The following PCDHGA4 variants were observed in gnomAD, a reference collection of about 807,000 sequenced individuals.
PCDHGA4 encodes the protein protocadherin gamma subfamily A, 4.
A neutral mutation model predicts 54.6 loss-of-function variants in PCDHGA4; 38 were observed. That is an observed-to-expected ratio of 0.70 (90% CI 0.54 to 0.91). The LOEUF (loss-of-function observed/expected upper bound fraction) is 0.91, where lower values mean the gene tolerates loss of function less well. Ranked by LOEUF, PCDHGA4 falls within the 40% of genes least tolerant of loss-of-function variation. The probability of loss-of-function intolerance (pLI) is 0.00; values close to 1 mark genes in which losing one functional copy is unlikely to be tolerated. For synonymous variants in PCDHGA4, 511 were observed against 512.9 expected (o/e 1.00, Z 0.05); for missense variants, 1,298 against 1,220.9 (o/e 1.06, Z -0.94).
rs757822946 is a variant in PCDHGA4 at position 141,355,819 on chromosome 5, G to T, written c.712G>T (p.Val238Phe). 1.9e-6 allele frequency: 3 copies of T among 1,613,058 alleles called. No individual in the cohort carries two copies. The highest frequency in any genetic ancestry group is 2.5e-6 in the Non-Finnish European group (3 of 1,179,420). ...ERALDREEEA[V>F]HHLVLTAFDG... ...CGCTCTAGATCGCGAGGAAGAGGCG[G>T]TTCACCACCTCGTTCTCACGGCCTT... Residue 238 changes from valine (V) to phenylalanine (F), a missense_variant, in exon 1 of 4, where the codon GTT becomes TTT. Val to Phe is a conservative substitution (Grantham distance 50, BLOSUM62 -1). Transcript: ENST00000571252.
chr5:141,396,908 C>CA (rs1453541436), intron 1 of PCDHGA4, among the ~76,000 whole-genome samples: 1 of 152,146 alleles, frequency 6.6e-6, no homozygotes, highest in African/African-American at 2.4e-5. Flanking sequence ...TGGCACTTTG[C>CA]AATTTTAAAA....
chr5:141,394,361 G>A (rs2092984834), intron 1 of PCDHGA4: 15 of 1,614,072 alleles, frequency 9.3e-6, no homozygotes, highest in Non-Finnish European at 1.2e-5. Context: ...TCCTGTATGC[G>A]CTGCAATCTT....
At position 141,494,852 on chromosome 5, in the gene PCDHGA4, C is replaced by T. The variant is rs755464933; in HGVS notation, c.2560C>T (p.Pro854Ser). ...TDWRFSQAQR[P>S]GTSGSQNGDD... is the part of the protein sequence containing the mutation. Reference sequence around the variant, plus strand: ...CTGGCGTTTCTCTCAGGCCCAGAGACCCGGCACCAGCGGGTAGGTGACTGA... The same window carrying T: ...CTGGCGTTTCTCTCAGGCCCAGAGATCCGGCACCAGCGGGTAGGTGACTGA... The change falls in exon 2 of 4, where the codon CCC (proline) becomes TCC (serine). Residue 854 changes from proline (P) to serine (S), a missense_variant. Coordinates refer to ENST00000571252, the MANE Select transcript of PCDHGA4 (RefSeq NM_018917.4). 6 of 1,614,042 alleles carry T rather than the reference C, an allele frequency of 3.7e-6. No homozygotes were observed. Among genetic ancestry groups the T allele is most frequent in the Admixed American group, 1.7e-5 (1 of 60,000 alleles).
At chr5:141,400,242 G>A (rs757952126) in intron 1 of PCDHGA4, 14 of 1,613,894 alleles carry the variant, frequency 8.7e-6, no homozygotes, top group Middle Eastern at 1.6e-4. Context: ...CCGTGATTCT[G>A]GCCGTTGCCT....
At chr5:141,395,085 T>C (rs2093165281) in intron 1 of PCDHGA4, 1 of 1,614,026 alleles carries the variant, frequency 6.2e-7, no homozygotes, top group South Asian at 1.1e-5. Flanking sequence ...CCAGGAAGTC[T>C]CCCTCACCGC....
At chr5:141,379,674 AC>A (rs1181796015) in intron 1 of PCDHGA4, 1 of 152,100 alleles carries the variant, frequency 6.6e-6, no homozygotes, top group Non-Finnish European at 1.5e-5. Flanking sequence ...AAAGTCATTC[AC>A]TCATGTGGAC....
intron 1 of PCDHGA4, chr5:141,395,544 G>GTTTGTT (rs70988801): frequency 1.5e-3 from 17 of 11,560 alleles, no homozygotes; most frequent in African/African-American, 4.5e-3. Flanking sequence ...GCTATTGTTT[G>GTTTGTT]TGTGTGTGTG....
At chr5:141,407,415 A>C (rs1561707597) in intron 1 of PCDHGA4, among the ~76,000 whole-genome samples, 1 of 152,228 alleles carries the variant, frequency 6.6e-6, no homozygotes, top group Non-Finnish European at 1.5e-5. Flanking sequence ...TCGATACCAC[A>C]AAAATGTCTC....
Position 141,357,119 on chromosome 5 carries a change from A to C in PCDHGA4, c.2012A>C (p.Gln671Pro). ...RALLDRDALK[Q>P]RLVVVVQDHG... Reference sequence around the variant, plus strand: ...CTGCTGGACAGAGACGCGCTCAAGCAGAGGCTTGTAGTGGTCGTCCAGGAC... The same window carrying C: ...CTGCTGGACAGAGACGCGCTCAAGCCGAGGCTTGTAGTGGTCGTCCAGGAC... The change falls in exon 1 of 4, where the codon CAG becomes CCG. Residue 671 changes from glutamine (Q) to proline (P), a missense_variant. Coordinates refer to ENST00000571252, the MANE Select transcript of PCDHGA4 (RefSeq NM_018917.4). 6.2e-7 allele frequency: 1 copy of C among 1,613,654 alleles called. No individual in the cohort carries two copies.
At chr5:141,460,569 T>C (rs1234392082) in intron 1 of PCDHGA4, among the ~76,000 whole-genome samples, 2 of 152,100 alleles carry the variant, frequency 1.3e-5, no homozygotes, top group Admixed American at 1.3e-4. Context: ...GCCATGGACA[T>C]ATGTAGGTGT....
intron 1 of PCDHGA4, among the ~76,000 whole-genome samples, chr5:141,450,826 A>ATT (rs764729742): frequency 0.025 from 3,390 of 134,266 alleles, 60 homozygotes; most frequent in Middle Eastern, 0.057. Flanking sequence ...TATTATTATT[A>ATT]TTATTTTTTT....
intron 1 of PCDHGA4, chr5:141,361,583 C>A: frequency 6.2e-7 from 1 of 1,614,032 alleles, no homozygotes; most frequent in Non-Finnish European, 8.5e-7. Context: ...GACTTGGGCC[C>A]CAGTGGCCAA....
In PCDHGA4 at chr5:141,362,093, C is replaced by T. The variant is rs1228101788; in HGVS notation, c.2514+4472C>T. On this transcript the variant is annotated intron_variant, in intron 1 of 3. Coordinates refer to ENST00000571252, the MANE Select transcript of PCDHGA4 (RefSeq NM_018917.4). ...GCTGTGCGTGATGGAGGACAGCCGC[C>T]ACTCTCCGCTACGGCCACGCTGCAC... is the stretch of plus-strand genomic sequence containing the variant. 1 of 1,613,828 alleles carries T rather than the reference C, an allele frequency of 6.2e-7. No individual in the cohort carries two copies. Among genetic ancestry groups the T allele is most frequent in the Non-Finnish European group, 8.5e-7 (1 of 1,179,890 alleles).
chr5:141,394,463 G>A (rs1244366845), intron 1 of PCDHGA4: 2 of 1,614,248 alleles, frequency 1.2e-6, no homozygotes, highest in South Asian at 2.2e-5. Flanking sequence ...CACTGAGCCT[G>A]TTCGTGCTGG....
At chr5:141,372,589 GCTTCA>G in intron 1 of PCDHGA4, 1 of 1,614,030 alleles carries the variant, frequency 6.2e-7, no homozygotes, top group Non-Finnish European at 8.5e-7. Context: ...CCTGGTGTCT[GCTTCA>G]AGACTGTACC....
Position 141,364,749 on chromosome 5 carries a change from T to A in PCDHGA4, c.2514+7128T>A, listed in dbSNP as rs1588602208. Reference sequence around the variant, plus strand: ...CGTTTCCGGGATGAAGAGTTAAAAGTAAAAGTTAATGAAAATGCGGCTGCA... The same window carrying A: ...CGTTTCCGGGATGAAGAGTTAAAAGAAAAAGTTAATGAAAATGCGGCTGCA... On this transcript the variant is annotated intron_variant, in intron 1 of 3. Coordinates refer to ENST00000571252, the MANE Select transcript of PCDHGA4 (RefSeq NM_018917.4). 3.1e-5 allele frequency: 50 copies of A among 1,613,798 alleles called. No individual in the cohort carries two copies. In the East Asian group the frequency reaches 1.1e-3, roughly 35 times the overall value.
intron 1 of PCDHGA4, chr5:141,365,152 C>G: frequency 6.2e-7 from 1 of 1,613,880 alleles, no homozygotes. Context: ...AGGGAATAAA[C>G]GGGAAATTGA....
chr5:141,384,138 AAC>A (rs758587148), intron 1 of PCDHGA4: 5 of 1,612,622 alleles, frequency 3.1e-6, no homozygotes, highest in Non-Finnish European at 4.2e-6. Flanking sequence ...TGGACCGGGA[AAC>A]ACTCTCTTTG....
Position 141,356,471 on chromosome 5 carries a change from C to T in PCDHGA4, c.1364C>T (p.Ala455Val). The change falls in exon 1 of 4, where the codon GCC (alanine) becomes GTC (valine). Residue 455 changes from alanine to valine, a missense_variant. Coordinates refer to ENST00000571252, the MANE Select transcript of PCDHGA4 (RefSeq NM_018917.4). ...EVSEYNITVTATDQGTPPLST... is the reference protein window; with the variant it reads ...EVSEYNITVTVTDQGTPPLST... ...TCAGAATATAACATCACTGTAACTG[C>T]CACTGACCAGGGAACTCCTCCACTG... The T allele has an allele frequency of 1.2e-6, 2 of 1,613,754 alleles. No homozygotes were observed. Among genetic ancestry groups the T allele is most frequent in the Non-Finnish European group, 8.5e-7 (1 of 1,179,752 alleles).
Sources: allele counts gnomAD v4.1 joint callset (sites outside exome capture counted in the v4.1 genomes callset), GRCh38; gene constraint gnomAD v4.1.1; transcripts MANE v1.5; gene names NCBI Gene and HGNC (gene_info 2026-07-23, HGNC 2026-07-21).